The following ARB2A variants were observed in gnomAD, a reference collection of about 807,000 sequenced individuals.
ARB2A encodes ARB2 cotranscriptional regulator A.
At chr5:93,784,311 C>A in the ARB2A span, 1 of 959,362 alleles carries the variant, frequency 1.0e-6, no homozygotes, top group South Asian at 1.5e-5. Context: ...GGAGGTGTTA[C>A]AGGTTGGTGG....
At chr5:93,768,463 C>CTATA in the ARB2A span, among the ~76,000 whole-genome samples, 509 of 145,978 alleles carry the variant, frequency 3.5e-3, 2 homozygotes, top group African/African-American at 0.011. Context: ...CAAATATCCA[C>CTATA]TATATATATA....
the ARB2A span, among the ~76,000 whole-genome samples, chr5:93,678,365 G>A: frequency 6.6e-6 from 1 of 152,130 alleles, no homozygotes; most frequent in African/African-American, 2.4e-5. Context: ...AAAATAGCAG[G>A]ACACCTAAGG....
chr5:93,947,283 C>T, the ARB2A span, among the ~76,000 whole-genome samples: 1 of 152,120 alleles, frequency 6.6e-6, no homozygotes, highest in Non-Finnish European at 1.5e-5. Context: ...TTACGATTTT[C>T]ACATTAAGTG....
chr5:93,846,430 A>G, the ARB2A span, among the ~76,000 whole-genome samples: 1 of 151,978 alleles, frequency 6.6e-6, no homozygotes, highest in African/African-American at 2.4e-5. Flanking sequence ...TGAGCCCAGG[A>G]ATTCCAGGCT....
At chr5:93,831,592 A>G in the ARB2A span, among the ~76,000 whole-genome samples, 2 of 152,242 alleles carry the variant, frequency 1.3e-5, no homozygotes, top group Non-Finnish European at 2.9e-5. Flanking sequence ...GATAAAGACC[A>G]TAATACTCCT....
the ARB2A span, among the ~76,000 whole-genome samples, chr5:93,750,254 A>G: frequency 6.6e-6 from 1 of 152,226 alleles, no homozygotes; most frequent in Admixed American, 6.5e-5. Context: ...TGGTAAAATA[A>G]TTAAATTTGG....
the ARB2A span, among the ~76,000 whole-genome samples, chr5:93,701,326 A>T: frequency 1.3e-5 from 2 of 152,198 alleles, no homozygotes; most frequent in African/African-American, 4.8e-5. Flanking sequence ...ATACGCCCAT[A>T]CATATACTTA....
chr5:93,631,656 T>C, the ARB2A span, among the ~76,000 whole-genome samples: 25 of 152,270 alleles, frequency 1.6e-4, no homozygotes, highest in African/African-American at 5.3e-4. Context: ...AGTTGCTTCA[T>C]TGTAAAATAA....
At chr5:93,916,920 A>G in the ARB2A span, among the ~76,000 whole-genome samples, 3 of 152,178 alleles carry the variant, frequency 2.0e-5, no homozygotes, top group East Asian at 1.9e-4. Flanking sequence ...GAAAAGTATA[A>G]AGAGGAAAAG....
chr5:93,782,695 C>T, the ARB2A span, among the ~76,000 whole-genome samples: 1 of 151,960 alleles, frequency 6.6e-6, no homozygotes, highest in Non-Finnish European at 1.5e-5. Flanking sequence ...CGTTATTTTC[C>T]AACATGTTTG....
chr5:93,748,303 T>C, the ARB2A span, among the ~76,000 whole-genome samples: 119 of 152,138 alleles, frequency 7.8e-4, no homozygotes, highest in African/African-American at 2.8e-3. Flanking sequence ...AAGGTTAGCA[T>C]GAAACTTAAG....
chr5:93,621,169 GGGGCCAGGCGCGGTGAGGGCGGCGA>G, the ARB2A span: 8 of 1,549,490 alleles, frequency 5.2e-6, no homozygotes, highest in South Asian at 1.2e-5. Flanking sequence ...GTGGCCACGC[GGGGCCAGGCGCGGTGAGGGCGGCGA>G]GGGCCAGGCC....
the ARB2A span, among the ~76,000 whole-genome samples, chr5:93,879,371 C>T: frequency 2.0e-5 from 3 of 151,848 alleles, no homozygotes; most frequent in Non-Finnish European, 2.9e-5. Context: ...CTAAGACCAT[C>T]GATACAAAGT....
At chr5:93,878,696 CAG>C in the ARB2A span, among the ~76,000 whole-genome samples, 3 of 151,980 alleles carry the variant, frequency 2.0e-5, no homozygotes, top group South Asian at 2.1e-4. Flanking sequence ...ATTTAAGAAA[CAG>C]AGTCCATTAA....
At chr5:93,769,121 T>C in the ARB2A span, among the ~76,000 whole-genome samples, 1 of 152,104 alleles carries the variant, frequency 6.6e-6, no homozygotes, top group Non-Finnish European at 1.5e-5. Context: ...TTTTTTGTAA[T>C]GGGAAGCAAA....
At chr5:94,096,936 A>C in the ARB2A span, among the ~76,000 whole-genome samples, 1 of 152,108 alleles carries the variant, frequency 6.6e-6, no homozygotes, top group Non-Finnish European at 1.5e-5. Flanking sequence ...GCCTACTCTC[A>C]CCATGGACCT....
At chr5:93,905,212 T>C in the ARB2A span, among the ~76,000 whole-genome samples, 167 of 151,798 alleles carry the variant, frequency 1.1e-3, no homozygotes, top group African/African-American at 3.9e-3. Context: ...TTTGTGTGTG[T>C]GTATGTATTA....
chr5:93,881,530 A>C, the ARB2A span: 12 of 1,611,038 alleles, frequency 7.4e-6, no homozygotes, highest in Non-Finnish European at 1.0e-5. Flanking sequence ...TCTCATAGAA[A>C]TCACGTCGCT....
the ARB2A span, among the ~76,000 whole-genome samples, chr5:93,773,452 G>C: frequency 6.6e-6 from 1 of 152,152 alleles, no homozygotes. Flanking sequence ...TGTAACTAAA[G>C]GCAATAGCAT....
Sources: allele counts gnomAD v4.1 joint callset (sites outside exome capture counted in the v4.1 genomes callset), GRCh38; gene constraint gnomAD v4.1.1; transcripts MANE v1.5; gene names NCBI Gene and HGNC (gene_info 2026-07-23, HGNC 2026-07-21).